The following SMAD6 variants were observed in gnomAD, a reference collection of about 807,000 sequenced individuals.
The protein encoded by SMAD6 is SMAD family member 6.
Under a neutral mutation model 39.4 loss-of-function variants are expected in SMAD6, and 103 were observed. That is an observed-to-expected ratio of 2.62 (90% CI 2.23 to 3.08). SMAD6 has a LOEUF of 3.08. Among genes scored for constraint, SMAD6 ranks in the 30% most tolerant of loss-of-function variants. The pLI, the probability that SMAD6 is intolerant of heterozygous loss-of-function variation, is 0.00. For synonymous variants in SMAD6, 445 were observed against 353.3 expected (o/e 1.26, Z -2.91); for missense variants, 1,104 against 742.9 (o/e 1.49, Z -5.65).
At chr15:66,756,843 G>C (rs1021227876) in intron 3 of SMAD6, among the ~76,000 whole-genome samples, 1 of 152,244 alleles carries the variant, frequency 6.6e-6, no homozygotes, top group Non-Finnish European at 1.5e-5. Context: ...GGATGGGAGG[G>C]AGATGCTCCC....
chr15:66,717,740 G>T (rs1040246537), intron 3 of SMAD6, among the ~76,000 whole-genome samples: 2 of 152,120 alleles, frequency 1.3e-5, no homozygotes, highest in Non-Finnish European at 2.9e-5. Flanking sequence ...TGCCATACAG[G>T]GTCCCACAAT....
intron 1 of SMAD6, 26 bp downstream of exon 1, chr15:66,704,101 G>A (rs771820557): frequency 2.9e-5 from 41 of 1,414,524 alleles, no homozygotes; most frequent in Non-Finnish European, 3.6e-5. Context: ...CGGCCGGGGG[G>A]GCCCCGGGTC....
chr15:66,750,444 C>G (rs1267874080), intron 3 of SMAD6, among the ~76,000 whole-genome samples: 2 of 152,220 alleles, frequency 1.3e-5, no homozygotes, highest in African/African-American at 2.4e-5. Context: ...TTTAAGGGAA[C>G]ATCCTCTGAG....
At chr15:66,746,846 A>G (rs1893917454) in intron 3 of SMAD6, among the ~76,000 whole-genome samples, 1 of 152,158 alleles carries the variant, frequency 6.6e-6, no homozygotes, top group Admixed American at 6.5e-5. Context: ...AAGTGAATCC[A>G]GCAAGTCTCC....
intron 3 of SMAD6, among the ~76,000 whole-genome samples, chr15:66,726,907 G>A (rs1447801464): frequency 3.3e-5 from 5 of 151,582 alleles, no homozygotes; most frequent in Admixed American, 2.6e-4. Flanking sequence ...ACTCTAATGC[G>A]CAGCCTGGGC....
At chr15:66,762,951 AAGG>A (rs1894226000) in intron 3 of SMAD6, among the ~76,000 whole-genome samples, 1 of 152,130 alleles carries the variant, frequency 6.6e-6, no homozygotes, top group Admixed American at 6.5e-5. Flanking sequence ...CCCTGTCCCA[AAGG>A]AGGAGTTGTC....
chr15:66,745,260 C>T (rs1388281152), intron 3 of SMAD6, among the ~76,000 whole-genome samples: 1 of 152,134 alleles, frequency 6.6e-6, no homozygotes, highest in Non-Finnish European at 1.5e-5. Context: ...TTTTAAAATC[C>T]GGAGTTCTAG....
intron 3 of SMAD6, among the ~76,000 whole-genome samples, chr15:66,733,230 G>C (rs1893660374): frequency 6.6e-6 from 1 of 152,108 alleles, no homozygotes; most frequent in African/African-American, 2.4e-5. Flanking sequence ...TTTGAAATCA[G>C]GTCATGTGAG....
intron 3 of SMAD6, among the ~76,000 whole-genome samples, chr15:66,766,444 C>T (rs1894289986): frequency 6.6e-6 from 1 of 152,154 alleles, no homozygotes; most frequent in Non-Finnish European, 1.5e-5. Flanking sequence ...GTTTAACCTC[C>T]CTGAGCCTTC....
At chr15:66,767,957 A>ATTTTTTTTTTTTTTTTTTTTTTTTTT (rs1158976583) in intron 3 of SMAD6, among the ~76,000 whole-genome samples, 1 of 102,776 alleles carries the variant, frequency 9.7e-6, no homozygotes, top group African/African-American at 3.4e-5. Flanking sequence ...CCCAAGCTGC[A>ATTTTTTTTTTTTTTTTTTTTTTTTTT]TCTTTTTTTT....
chr15:66,779,866 G>A (rs1894528406), intron 3 of SMAD6, among the ~76,000 whole-genome samples: 1 of 152,234 alleles, frequency 6.6e-6, no homozygotes, highest in Admixed American at 6.5e-5. Flanking sequence ...AGTTATAGGT[G>A]CCTGCCTGCT....
At chr15:66,756,834 G>A (rs1283700620) in intron 3 of SMAD6, among the ~76,000 whole-genome samples, 1 of 152,258 alleles carries the variant, frequency 6.6e-6, no homozygotes, top group East Asian at 1.9e-4. Context: ...GAGGGTGGAG[G>A]ATGGGAGGGA....
chr15:66,705,631 C>G (rs570652458), intron 1 of SMAD6: 1 of 152,018 alleles, frequency 6.6e-6, no homozygotes, highest in Admixed American at 6.6e-5. Context: ...TATTCTCTTT[C>G]GCCACTTCAG....
intron 3 of SMAD6, among the ~76,000 whole-genome samples, chr15:66,742,489 G>A (rs376706728): frequency 1.3e-5 from 2 of 152,178 alleles, no homozygotes; most frequent in East Asian, 3.9e-4. Context: ...TGGTGGTCTT[G>A]GCCAGGACAC....
At chr15:66,724,824 G>A (rs1893493525) in intron 3 of SMAD6, among the ~76,000 whole-genome samples, 1 of 150,748 alleles carries the variant, frequency 6.6e-6, no homozygotes, top group Non-Finnish European at 1.5e-5. Context: ...TCTGAGGGGA[G>A]GCTGCTGGCG....
intron 3 of SMAD6, among the ~76,000 whole-genome samples, chr15:66,726,599 C>T (rs1464640577): frequency 6.6e-6 from 1 of 152,136 alleles, no homozygotes; most frequent in Non-Finnish European, 1.5e-5. Context: ...CCTCACAGGG[C>T]GAAGGCCAGA....
At chr15:66,716,295 G>A in intron 2 of SMAD6, 126 bp from the exon 3 acceptor site, 1 of 705,582 alleles carries the variant, frequency 1.4e-6, no homozygotes, top group South Asian at 1.7e-5. Context: ...AGTTGGGAGG[G>A]ACATGCTGCC....
chr15:66,721,997 G>A (rs1893442341), intron 3 of SMAD6, among the ~76,000 whole-genome samples: 1 of 152,186 alleles, frequency 6.6e-6, no homozygotes, highest in Admixed American at 6.5e-5. Context: ...GCAAAGACCT[G>A]GAGGTGTGAA....
At chr15:66,741,350 G>A (rs946723948) in intron 3 of SMAD6, among the ~76,000 whole-genome samples, 18 of 151,872 alleles carry the variant, frequency 1.2e-4, no homozygotes, top group Admixed American at 4.6e-4. Flanking sequence ...AATCCATCAC[G>A]TTTGAGGTGG....
Sources: gnomAD v4.1 joint callset for allele counts (sites outside exome capture counted in the v4.1 genomes callset) on GRCh38, gnomAD v4.1.1 for gene constraint, MANE v1.5 for transcripts, NCBI Gene and HGNC (gene_info 2026-07-23, HGNC 2026-07-21) for gene names.